Variants in FHIT observed in about 807,000 individuals in gnomAD.
FHIT encodes fragile histidine triad diadenosine triphosphatase.
Under a neutral mutation model 17.9 loss-of-function variants are expected in FHIT, and 19 were observed. The observed-to-expected ratio is 1.06, with a 90% CI of 0.74 to 1.56. The LOEUF is 1.56. Among genes scored for constraint, FHIT ranks in the 40% most tolerant of loss-of-function variants. FHIT has a pLI of 0.00. For missense variants in FHIT, 248 were observed against 189.2 expected (o/e 1.31, Z -1.82); for synonymous variants, 81 against 69.7 (o/e 1.16, Z -0.81).
At chr3:59,946,598 G>A (rs1176899456) in intron 7 of FHIT, among the ~76,000 whole-genome samples, 2 of 152,160 alleles carry the variant, frequency 1.3e-5, no homozygotes, top group African/African-American at 4.8e-5. Context: ...TTTTATTACA[G>A]TTCTCAAGGG....
chr3:59,844,568 A>G (rs897349608), intron 8 of FHIT, among the ~76,000 whole-genome samples: 1 of 152,244 alleles, frequency 6.6e-6, no homozygotes, highest in South Asian at 2.1e-4. Context: ...TTCTGCATCA[A>G]CTGAGATGAT....
intron 7 of FHIT, among the ~76,000 whole-genome samples, chr3:59,962,709 A>T (rs1390938924): frequency 6.6e-6 from 1 of 152,232 alleles, no homozygotes; most frequent in Non-Finnish European, 1.5e-5. Flanking sequence ...ACTGATGGAA[A>T]ACAGTGAGTA....
intron 5 of FHIT, among the ~76,000 whole-genome samples, chr3:60,177,666 A>G (rs896345897): frequency 6.6e-6 from 1 of 152,184 alleles, no homozygotes; most frequent in Admixed American, 6.5e-5. Flanking sequence ...ATCACCTCCT[A>G]TGGTATTACT....
chr3:59,947,644 C>A (rs1399313598), intron 7 of FHIT, among the ~76,000 whole-genome samples: 1 of 152,136 alleles, frequency 6.6e-6, no homozygotes, highest in Non-Finnish European at 1.5e-5. Context: ...TATGCTGCAA[C>A]CCTGGGGGGG....
chr3:60,478,981 T>C (rs996864619), intron 5 of FHIT, among the ~76,000 whole-genome samples: 9 of 152,298 alleles, frequency 5.9e-5, no homozygotes, highest in Admixed American at 5.9e-4. Flanking sequence ...ATTAATTATA[T>C]TGTTTTCCAT....
chr3:61,144,309 G>A (rs767637747), intron 2 of FHIT, among the ~76,000 whole-genome samples: 16 of 152,118 alleles, frequency 1.1e-4, no homozygotes, highest in African/African-American at 2.7e-4. Flanking sequence ...GTCCTTTTGC[G>A]ACTAGCTTCT....
intron 2 of FHIT, among the ~76,000 whole-genome samples, chr3:61,160,057 A>G (rs2037642272): frequency 6.6e-6 from 1 of 152,220 alleles, no homozygotes; most frequent in African/African-American, 2.4e-5. Context: ...TCTATATCAC[A>G]TTCAACAGTT....
intron 3 of FHIT, among the ~76,000 whole-genome samples, chr3:60,895,387 T>A (rs1705737892): frequency 6.6e-6 from 1 of 152,196 alleles, no homozygotes; most frequent in Admixed American, 6.5e-5. Flanking sequence ...ACTGTATGTG[T>A]GTGTATGTGC....
chr3:60,472,363 T>A (rs2033130855), intron 5 of FHIT, among the ~76,000 whole-genome samples: 1 of 145,914 alleles, frequency 6.9e-6, no homozygotes, highest in Non-Finnish European at 1.5e-5. Flanking sequence ...TATTGTACAA[T>A]GCTGTATTTT....
intron 2 of FHIT, among the ~76,000 whole-genome samples, chr3:61,079,411 GCCA>G (rs2035065365): frequency 6.6e-6 from 1 of 151,992 alleles, no homozygotes; most frequent in Non-Finnish European, 1.5e-5. Flanking sequence ...CTGTTTACCT[GCCA>G]TAATATGGAA....
intron 8 of FHIT, among the ~76,000 whole-genome samples, chr3:59,813,857 T>C (rs1259642891): frequency 6.6e-6 from 1 of 152,050 alleles, no homozygotes; most frequent in African/African-American, 2.4e-5. Context: ...GGTTAGGCTA[T>C]GAAGGGGGTA....
chr3:61,033,076 C>T (rs1276231302), intron 3 of FHIT, among the ~76,000 whole-genome samples: 1 of 152,226 alleles, frequency 6.6e-6, no homozygotes, highest in African/African-American at 2.4e-5. Context: ...TTGGGTGATG[C>T]TCAGTCGCCT....
intron 8 of FHIT, among the ~76,000 whole-genome samples, chr3:59,895,957 C>G (rs1704050573): frequency 6.6e-6 from 1 of 152,202 alleles, no homozygotes; most frequent in Admixed American, 6.5e-5. Flanking sequence ...TGGGAATGCT[C>G]TTCATCTAGA....
chr3:60,011,406 A>C lies in FHIT; in HGVS notation c.250-6T>G, dbSNP rs1193680911. 6.2e-7 allele frequency: 1 copy of C among 1,613,328 alleles called. No individual in the cohort carries two copies. Among genetic ancestry groups the C allele is most frequent in the Admixed American group, 1.7e-5 (1 of 60,002 alleles). The stretch of plus-strand genomic sequence containing the variant: ...TGTCCGGCTTCGGGGCCATCCTAGA[A>C]GTAGGAAAAAACCAACAGAGGTGAG... On this transcript the variant is annotated splice_polypyrimidine_tract_variant and splice_region_variant and intron_variant, in intron 6 of 9. Coordinates refer to ENST00000492590, the MANE Select transcript of FHIT (RefSeq NM_002012.4).
At chr3:61,248,978 C>G (rs984680608) in intron 1 of FHIT, among the ~76,000 whole-genome samples, 6 of 152,178 alleles carry the variant, frequency 3.9e-5, no homozygotes, top group African/African-American at 1.4e-4. Flanking sequence ...TCCTTATCAT[C>G]TATGTGGTCC....
At chr3:60,433,405 T>C (rs1224561822) in intron 5 of FHIT, among the ~76,000 whole-genome samples, 2 of 152,152 alleles carry the variant, frequency 1.3e-5, no homozygotes, top group African/African-American at 2.4e-5. Context: ...TCCTTTGAGA[T>C]ACTGATTTTA....
intron 3 of FHIT, among the ~76,000 whole-genome samples, chr3:60,963,396 A>AT (rs1328173296): frequency 1.3e-5 from 2 of 152,156 alleles, no homozygotes; most frequent in African/African-American, 4.8e-5. Flanking sequence ...GGATTCACTG[A>AT]TTTTTTGAAG....
chr3:59,814,045 T>TACACACACACACACACACACACACACAC (rs144355020), intron 8 of FHIT, among the ~76,000 whole-genome samples: 8 of 146,762 alleles, frequency 5.5e-5, no homozygotes, highest in African/African-American at 2.0e-4. Flanking sequence ...AATTTACACA[T>TACACACACACACACACACACACACACAC]ACACACACAC....
chr3:60,012,132 C>T (rs556114040), intron 6 of FHIT, among the ~76,000 whole-genome samples: 3 of 152,178 alleles, frequency 2.0e-5, no homozygotes, highest in African/African-American at 4.8e-5. Context: ...GAACTCCCGC[C>T]GTAAGGATTA....
Sources: gnomAD v4.1 joint callset for allele counts (sites outside exome capture counted in the v4.1 genomes callset) on GRCh38, gnomAD v4.1.1 for gene constraint, MANE v1.5 for transcripts, NCBI Gene and HGNC (gene_info 2026-07-23, HGNC 2026-07-21) for gene names.